The following CSMD3 variants were observed in gnomAD, a reference collection of about 807,000 sequenced individuals.
CSMD3 encodes CUB and Sushi multiple domains 3.
In CSMD3, 177 loss-of-function variants were observed where a neutral mutation model predicts 435.2. That is an observed-to-expected ratio of 0.41 (90% CI 0.36 to 0.46). The LOEUF is 0.46. Among genes scored for constraint, CSMD3 ranks in the 20% least tolerant of loss-of-function variants. CSMD3 has a pLI of 0.34. For synonymous variants in CSMD3, 1,656 were observed against 1,520.5 expected, an observed-to-expected ratio of 1.09 and a Z score of -2.07; for missense variants, 4,265 against 4,504.6, an observed-to-expected ratio of 0.95 and a Z score of 1.52.
At chr8:113,377,415 C>A (rs2094392886) in intron 1 of CSMD3, among the ~76,000 whole-genome samples, 1 of 152,056 alleles carries the variant, frequency 6.6e-6, no homozygotes, top group Non-Finnish European at 1.5e-5. Context: ...TTATCTATTT[C>A]TTATCAATTT....
intron 13 of CSMD3, among the ~76,000 whole-genome samples, chr8:112,769,741 A>C (rs2078065896): frequency 6.6e-6 from 1 of 152,100 alleles, no homozygotes; most frequent in South Asian, 2.1e-4. Flanking sequence ...AGAGTACATA[A>C]AAGATTTTTT....
intron 13 of CSMD3, among the ~76,000 whole-genome samples, chr8:112,722,564 T>C (rs2076881714): frequency 1.3e-5 from 2 of 152,130 alleles, no homozygotes; most frequent in African/African-American, 4.8e-5. Flanking sequence ...CACGAGCCTG[T>C]GTGTGCGTTA....
At chr8:112,930,308 T>C (rs1206817640) in intron 9 of CSMD3, among the ~76,000 whole-genome samples, 1 of 152,142 alleles carries the variant, frequency 6.6e-6, no homozygotes, top group Non-Finnish European at 1.5e-5. Flanking sequence ...GTAATGAAGA[T>C]AAACCTATTT....
At chr8:113,196,675 GA>G (rs544594686) in intron 3 of CSMD3, among the ~76,000 whole-genome samples, 3 of 150,816 alleles carry the variant, frequency 2.0e-5, no homozygotes, top group Admixed American at 6.6e-5. Flanking sequence ...TTCAACTAGA[GA>G]AAAAAAAGTC....
intron 32 of CSMD3, among the ~76,000 whole-genome samples, chr8:112,460,251 A>G (rs1217543333): frequency 6.6e-6 from 1 of 152,116 alleles, no homozygotes; most frequent in Non-Finnish European, 1.5e-5. Flanking sequence ...TAAATAATTG[A>G]GCAAATTAGT....
At chr8:112,690,193 G>A (rs540404344) in intron 13 of CSMD3, 143 bp from the exon 14 acceptor site, 2 of 638,338 alleles carry the variant, frequency 3.1e-6, no homozygotes, top group Non-Finnish European at 5.4e-6. Context: ...TTTTTTTTTT[G>A]GCCATTCTTA....
intron 40 of CSMD3, among the ~76,000 whole-genome samples, chr8:112,349,401 T>C (rs1281897128): frequency 6.6e-6 from 1 of 152,108 alleles, no homozygotes; most frequent in Non-Finnish European, 1.5e-5. Flanking sequence ...TACATTAATT[T>C]GTTCACTAAA....
At chr8:112,522,762 G>C (rs1824431663) in intron 27 of CSMD3, among the ~76,000 whole-genome samples, 1 of 151,786 alleles carries the variant, frequency 6.6e-6, no homozygotes. Flanking sequence ...ATAACCAGAT[G>C]GCTCTAACTA....
intron 16 of CSMD3, among the ~76,000 whole-genome samples, chr8:112,674,171 C>A (rs1027962691): frequency 1.3e-5 from 2 of 152,134 alleles, no homozygotes; most frequent in African/African-American, 2.4e-5. Context: ...GGAATGCCAG[C>A]ACTTTCAGAT....
At chr8:112,496,599 T>C (rs966570284) in intron 30 of CSMD3, among the ~76,000 whole-genome samples, 1 of 152,098 alleles carries the variant, frequency 6.6e-6, no homozygotes, top group Non-Finnish European at 1.5e-5. Flanking sequence ...GTGGCACATA[T>C]ATACAATGAA....
rs551587061 is a variant in CSMD3 at position 112,314,490 on chromosome 8, G to A, written c.7488C>T (p.Ile2496=). The A allele has an allele frequency of 1.2e-6, 2 of 1,612,450 alleles. No individual in the cohort carries two copies. Among genetic ancestry groups the A allele is most frequent in the African/African-American group, 1.3e-5 (1 of 74,990 alleles). The part of the protein sequence containing the change: ...WSISVEKGYN[I]TMFVEFFQTE... The stretch of plus-strand genomic sequence containing the variant: ...TCTGGAAGAATTCTACAAACATGGT[G>A]ATATTATAACCCTTTTCCACTGAAA... Residue 2496 remains isoleucine (I), a synonymous_variant, in exon 48 of 71, where the codon ATC becomes ATT. Transcript: ENST00000297405.
chr8:113,315,040 A>G (rs2093898916), intron 1 of CSMD3, among the ~76,000 whole-genome samples: 1 of 152,178 alleles, frequency 6.6e-6, no homozygotes, highest in African/African-American at 2.4e-5. Context: ...ATGAAATAAA[A>G]TTATCCACAT....
chr8:112,678,623 A>C (rs897056653), intron 16 of CSMD3, among the ~76,000 whole-genome samples: 2 of 152,166 alleles, frequency 1.3e-5, no homozygotes, highest in Non-Finnish European at 2.9e-5. Flanking sequence ...TTTCAAACAA[A>C]AACATTTTAT....
intron 5 of CSMD3, among the ~76,000 whole-genome samples, chr8:113,090,365 T>C (rs1588053624): frequency 6.6e-6 from 1 of 150,950 alleles, no homozygotes; most frequent in Non-Finnish European, 1.5e-5. Flanking sequence ...ATGAAAAAAT[T>C]TGAAATATTT....
At chr8:112,540,633 T>C (rs556629946) in intron 27 of CSMD3, among the ~76,000 whole-genome samples, 6 of 152,082 alleles carry the variant, frequency 3.9e-5, no homozygotes, top group Admixed American at 1.3e-4. Flanking sequence ...TACAGTAACA[T>C]TGGTGGAGCT....
Position 112,800,223 on chromosome 8 carries a change from C to T in CSMD3, c.1911G>A (p.Met637Ile). The T allele has an allele frequency of 6.2e-7, 1 of 1,613,020 alleles. No individual in the cohort carries two copies. ...TTTCGTCCGTTTGAAGGTGCAGCCA[C>T]ATTTGGCTACTCATGCTCACTATCA... ...PDLIVSMSSQ[M>I]WLHLQTDESV... Residue 637 changes from methionine (M) to isoleucine (I), a missense_variant, in exon 13 of 71, where the codon ATG becomes ATA. This residue lies in a region of CSMD3 where 279 missense variants were observed against 369.0 expected (regional missense o/e 0.76). Transcript: ENST00000297405.
At chr8:113,396,894 A>C (rs1453975063) in intron 1 of CSMD3, among the ~76,000 whole-genome samples, 1 of 152,188 alleles carries the variant, frequency 6.6e-6, no homozygotes, top group African/African-American at 2.4e-5. Flanking sequence ...CCTAAAATAC[A>C]AGCTATATAA....
At chr8:112,376,017 T>C (rs1828907122) in intron 38 of CSMD3, among the ~76,000 whole-genome samples, 1 of 152,142 alleles carries the variant, frequency 6.6e-6, no homozygotes, top group Admixed American at 6.6e-5. Flanking sequence ...TGAAGTTTCC[T>C]CTGCTGAATC....
chr8:112,795,964 T>C (rs1257968393), intron 13 of CSMD3, among the ~76,000 whole-genome samples: 1 of 151,264 alleles, frequency 6.6e-6, no homozygotes, highest in Non-Finnish European at 1.5e-5. Flanking sequence ...TATATGAAAA[T>C]AAAAAAAAAT....
Sources: allele counts gnomAD v4.1 joint callset (sites outside exome capture counted in the v4.1 genomes callset), GRCh38; gene constraint gnomAD v4.1.1; regional missense constraint gnomAD v4.1.1; transcripts MANE v1.5; gene names NCBI Gene and HGNC (gene_info 2026-07-23, HGNC 2026-07-21).